PTPRN2: variants seen among roughly 807,000 people sequenced by gnomAD.
PTPRN2 encodes receptor-type tyrosine-protein phosphatase N2.
In PTPRN2, 74 loss-of-function variants were observed where a neutral mutation model predicts 118.8. The observed-to-expected ratio is 0.62, with a 90% CI of 0.52 to 0.76. The LOEUF (loss-of-function observed/expected upper bound fraction) is 0.76, where lower values mean the gene tolerates loss of function less well. Among genes scored for constraint, PTPRN2 ranks in the 30% least tolerant of loss-of-function variants. The pLI, the probability that PTPRN2 is intolerant of heterozygous loss-of-function variation, is 0.00. For missense variants in PTPRN2, 1,481 were observed against 1,394.4 expected (o/e 1.06, Z -0.99); for synonymous variants, 641 against 608.0 (o/e 1.05, Z -0.80).
intron 14 of PTPRN2, among the ~76,000 whole-genome samples, 191 bp from the exon 15 acceptor site, chr7:157,621,700 A>G (rs1803260848): frequency 6.6e-6 from 1 of 152,258 alleles, no homozygotes; most frequent in African/African-American, 2.4e-5. Flanking sequence ...TAAGTGAAAT[A>G]TGTGCATTGT....
At chr7:157,670,126 C>T (rs1173480682) in intron 13 of PTPRN2, among the ~76,000 whole-genome samples, 3 of 152,214 alleles carry the variant, frequency 2.0e-5, no homozygotes, top group Non-Finnish European at 2.9e-5. Flanking sequence ...GAGCCCCCGC[C>T]GGCCGACAGC....
In PTPRN2 at chr7:158,080,579, T is replaced by TAAA. The variant is rs372522598; in HGVS notation, c.1723+716_1723+718dup. On this transcript the variant is annotated intron_variant, in intron 11 of 22. Transcript: ENST00000389418. ...ACTCTACAAGAGTTTTCAACAAGTT[T>TAAA]AAAAAAAAAAAAAAAGGCAGGTTGA... 5.6e-3 allele frequency among the ~76,000 whole-genome samples: 800 copies of TAAA among 141,874 alleles called. 8 individuals are homozygous for TAAA. Among genetic ancestry groups the TAAA allele is most frequent in the African/African-American group, 0.02 (757 of 38,240 alleles). The allele number at this position is 141,874 out of a possible 152,430, so 93.1% of individuals were successfully genotyped here. A position where few individuals can be genotyped will look rare whatever the true frequency, so the allele number is the denominator to read the frequency against.
chr7:158,155,150 A>C (rs981607561), intron 6 of PTPRN2, among the ~76,000 whole-genome samples: 1 of 152,216 alleles, frequency 6.6e-6, no homozygotes, highest in Admixed American at 6.5e-5. Context: ...CAGGATATTA[A>C]ATGTGTAAAG....
Position 158,273,414 on chromosome 7 carries a change from A to ACACGGGAGGAGCCG in PTPRN2, c.277+43404_277+43405insCGGCTCCTCCCGTG, listed in dbSNP as rs1439107853. Among the ~76,000 whole-genome samples, 30 of 81,422 alleles carry ACACGGGAGGAGCCG rather than the reference A, an allele frequency of 3.7e-4. 1 individual carries two copies. Among genetic ancestry groups the ACACGGGAGGAGCCG allele is most frequent in the African/African-American group, 1.7e-3 (29 of 17,182 alleles). 53.4% of individuals were successfully genotyped at this position (81,422 alleles called of 152,430 possible). A position where few individuals can be genotyped will look rare whatever the true frequency, so the allele number is the denominator to read the frequency against. On this transcript the variant is annotated intron_variant, in intron 3 of 22. Coordinates refer to ENST00000389418, the MANE Select transcript of PTPRN2 (RefSeq NM_002847.5). The stretch of plus-strand genomic sequence containing the variant: ...GATGCAGACACGGGAGGAGCCGCAG[A>ACACGGGAGGAGCCG]CAGACGCGGGAGGAGCCGCAGACAG...
intron 11 of PTPRN2, among the ~76,000 whole-genome samples, chr7:157,902,489 G>A (rs981886255): frequency 2.9e-5 from 4 of 136,574 alleles, no homozygotes; most frequent in Non-Finnish European, 4.7e-5. Context: ...CAACCTCACC[G>A]TGGCCTCAAG....
At chr7:158,284,214 G>A (rs559304161) in intron 3 of PTPRN2, among the ~76,000 whole-genome samples, 17 of 152,326 alleles carry the variant, frequency 1.1e-4, no homozygotes, top group Admixed American at 7.2e-4. Context: ...TATTGGCAGC[G>A]TCCTACATTT....
At chr7:158,316,770 C>A (rs778974051) in intron 3 of PTPRN2, 49 bp downstream of exon 3, 1 of 1,392,044 alleles carries the variant, frequency 7.2e-7, no homozygotes, top group African/African-American at 1.4e-5. Context: ...CAAGCCCGTG[C>A]GGTCGCTCAG....
chr7:158,164,349 C>T (rs1477734156), intron 6 of PTPRN2, among the ~76,000 whole-genome samples: 1 of 143,080 alleles, frequency 7.0e-6, no homozygotes, highest in Non-Finnish European at 1.5e-5. Context: ...AGGAGTGGCG[C>T]GTAAGAAGGG....
chr7:158,189,794 GGA>G (rs1323016914), intron 5 of PTPRN2, among the ~76,000 whole-genome samples: 1 of 152,230 alleles, frequency 6.6e-6, no homozygotes, highest in Non-Finnish European at 1.5e-5. Context: ...CAGCAGCAGT[GGA>G]GGCAGAGCAC....
At chr7:157,806,869 C>T (rs757784785) in intron 12 of PTPRN2, among the ~76,000 whole-genome samples, 6 of 152,246 alleles carry the variant, frequency 3.9e-5, no homozygotes, top group Non-Finnish European at 5.9e-5. Context: ...GCTTCCCGCT[C>T]TCCTCTGCAT....
intron 12 of PTPRN2, among the ~76,000 whole-genome samples, chr7:157,897,768 G>A (rs1797215439): frequency 6.6e-6 from 1 of 152,282 alleles, no homozygotes; most frequent in Non-Finnish European, 1.5e-5. Flanking sequence ...TTTCCCCACA[G>A]AAGCAGCTTG....
At chr7:158,203,225 C>CAAAAAAA (rs56016358) in intron 4 of PTPRN2, among the ~76,000 whole-genome samples, 14 of 50,330 alleles carry the variant, frequency 2.8e-4, no homozygotes, top group Non-Finnish European at 3.1e-4. Context: ...AAGCAAGAGC[C>CAAAAAAA]AAAAAAAAAA....
chr7:158,458,290 C>T (rs1450931329), intron 2 of PTPRN2, among the ~76,000 whole-genome samples: 2 of 152,148 alleles, frequency 1.3e-5, no homozygotes, highest in Admixed American at 1.3e-4. Context: ...GTGGGCCGGG[C>T]GAGTGATCTG....
chr7:157,871,962 G>GT (rs1811077390), intron 12 of PTPRN2, among the ~76,000 whole-genome samples: 1 of 117,464 alleles, frequency 8.5e-6, no homozygotes. Context: ...CATACCCAGC[G>GT]CTTCCCCACA....
chr7:157,855,956 G>GTTATCT (rs1042521736), intron 12 of PTPRN2: 13 of 152,334 alleles, frequency 8.5e-5, no homozygotes, highest in Middle Eastern at 6.8e-3. Flanking sequence ...GAAGTGCAGG[G>GTTATCT]TTATCTCAGT....
In PTPRN2 at chr7:157,690,577, C is replaced by T. The variant is rs1216816896; in HGVS notation, c.1789-7640G>A. Among the ~76,000 whole-genome samples, 1 of 151,570 alleles carries T rather than the reference C, an allele frequency of 6.6e-6. No individual in the cohort carries two copies. Among genetic ancestry groups the T allele is most frequent in the Non-Finnish European group, 1.5e-5 (1 of 67,842 alleles). On this transcript the variant is annotated intron_variant, in intron 12 of 22. Coordinates refer to ENST00000389418, the MANE Select transcript of PTPRN2 (RefSeq NM_002847.5). This position sits in a 1 kb window ranked among gnomAD's most constrained non-coding sequence, Gnocchi z 7.1. ...CTGCAGCTGGGCCGGCGCCCAGCGC[C>T]CGCGCGGGAGGAGGTGGGGGCGTGC...
chr7:157,791,537 C>A (rs950629869), intron 12 of PTPRN2, among the ~76,000 whole-genome samples: 24 of 147,560 alleles, frequency 1.6e-4, no homozygotes, highest in African/African-American at 6.1e-4. Flanking sequence ...CCCGCCCCCG[C>A]TCCCTGCACC....
intron 3 of PTPRN2, among the ~76,000 whole-genome samples, chr7:158,211,821 A>C (rs901177417): frequency 6.6e-6 from 1 of 152,166 alleles, no homozygotes; most frequent in Non-Finnish European, 1.5e-5. Context: ...GTTCCTTAAA[A>C]AGCTGAAAAT....
chr7:157,688,688 C>T lies in PTPRN2; in HGVS notation c.1789-5751G>A, dbSNP rs1386588604. Among the ~76,000 whole-genome samples, 3 of 152,222 alleles carry T rather than the reference C, an allele frequency of 2.0e-5. No homozygotes were observed. In the East Asian group the frequency reaches 5.8e-4, roughly 29 times the overall value. On this transcript the variant is annotated intron_variant, in intron 12 of 22. Coordinates refer to ENST00000389418, the MANE Select transcript of PTPRN2 (RefSeq NM_002847.5). ...TTCAGGACTGGGGGGGTTACCGCTT[C>T]GCCTCCTCTACCCGGACTCAGAAGC...
Sources: allele counts gnomAD v4.1 joint callset (sites outside exome capture counted in the v4.1 genomes callset), GRCh38; gene constraint gnomAD v4.1.1; non-coding constraint Gnocchi (gnomAD v3.1); transcripts MANE v1.5; gene names NCBI Gene and HGNC (gene_info 2026-07-23, HGNC 2026-07-21).